Variants in ATF7 observed in about 807,000 individuals in gnomAD.
ATF7 encodes activating transcription factor 7, also known as cyclic AMP-dependent transcription factor ATF-7.
In ATF7, 10 loss-of-function variants were observed where a neutral mutation model predicts 50.4. That is an observed-to-expected ratio of 0.20 (90% CI 0.12 to 0.34). The LOEUF (loss-of-function observed/expected upper bound fraction) is 0.34. Ranked by LOEUF, ATF7 falls within the 10% of genes least tolerant of loss-of-function variation. ATF7 has a pLI of 1.00. For missense variants in ATF7, 465 were observed against 613.9 expected, an observed-to-expected ratio of 0.76 and a Z score of 2.56; for synonymous variants, 201 against 226.4, an observed-to-expected ratio of 0.89 and a Z score of 1.01.
chr12:53,557,456 C>G (rs769124231), intron 2 of ATF7, among the ~76,000 whole-genome samples: 1 of 152,208 alleles, frequency 6.6e-6, no homozygotes, highest in African/African-American at 2.4e-5. Flanking sequence ...CCAGCCTTGG[C>G]TTTTCCAAGT....
intron 9 of ATF7, among the ~76,000 whole-genome samples, chr12:53,530,834 C>CCGT (rs1938824493): frequency 2.0e-5 from 3 of 152,156 alleles, no homozygotes; most frequent in South Asian, 4.1e-4. Context: ...GTCTTGATCT[C>CCGT]CTGACCTCAG....
intron 4 of ATF7, chr12:53,542,982 A>G: frequency 1.7e-6 from 2 of 1,174,108 alleles, no homozygotes; most frequent in Non-Finnish European, 2.1e-6. Flanking sequence ...GAATTTGGCA[A>G]CAAATATGTT....
At chr12:53,574,645 A>G (rs1309276836) in intron 2 of ATF7, 1 of 158,058 alleles carries the variant, frequency 6.3e-6, no homozygotes, top group Non-Finnish European at 1.4e-5. Context: ...TATTCTCATC[A>G]AAGCAGCCAG....
At chr12:53,570,056 AT>A (rs949794014) in intron 2 of ATF7, among the ~76,000 whole-genome samples, 10 of 152,170 alleles carry the variant, frequency 6.6e-5, no homozygotes, top group African/African-American at 2.2e-4. Context: ...TCATGGACTG[AT>A]TTCTGGAAAC....
At chr12:53,587,093 A>G (rs113036913) in intron 2 of ATF7, among the ~76,000 whole-genome samples, 6,005 of 152,274 alleles carry the variant, frequency 0.039, 361 homozygotes, top group African/African-American at 0.13. Flanking sequence ...TGTGCTGGGC[A>G]CGGTGGCTCA....
At position 53,532,418 on chromosome 12, in the gene ATF7, GT is replaced by G. The variant is rs1272548912; in HGVS notation, c.774+91del. The G allele has an allele frequency of 1.1e-5, 12 of 1,044,326 alleles. No individual in the cohort carries two copies. In the Admixed American group the frequency reaches 1.9e-4, roughly 17 times the overall value. 64.7% of individuals were successfully genotyped at this position (1,044,326 alleles called of 1,614,324 possible). On this transcript the variant is annotated intron_variant, in intron 8 of 11. Coordinates refer to ENST00000420353, the MANE Select transcript of ATF7 (RefSeq NM_006856.3). Reference sequence around the variant, plus strand: ...TCCTTAGCTTTGCAAGCCCCAGAAGGTTCCTTTGCTTGGCTCACTTGAAAGA... The same window carrying G: ...TCCTTAGCTTTGCAAGCCCCAGAAGGTCCTTTGCTTGGCTCACTTGAAAGA...
intron 3 of ATF7, among the ~76,000 whole-genome samples, chr12:53,549,228 A>G (rs1230935076): frequency 2.6e-5 from 4 of 151,156 alleles, no homozygotes; most frequent in Non-Finnish European, 5.9e-5. Flanking sequence ...CGCAGCTTGC[A>G]ATGAGCGGAG....
At chr12:53,535,292 T>G (rs1225494488) in intron 5 of ATF7, among the ~76,000 whole-genome samples, 7 of 140,310 alleles carry the variant, frequency 5.0e-5, no homozygotes, top group African/African-American at 1.9e-4. Context: ...ATCGCACCAC[T>G]GCACTCCAGC....
At chr12:53,612,282 T>A (rs1943913574) in intron 1 of ATF7, among the ~76,000 whole-genome samples, 1 of 145,418 alleles carries the variant, frequency 6.9e-6, no homozygotes, top group African/African-American at 2.6e-5. Context: ...GGCAGCTGCA[T>A]TTTTCTTTTT....
intron 1 of ATF7, among the ~76,000 whole-genome samples, chr12:53,620,554 C>A (rs1300374577): frequency 4.7e-4 from 57 of 121,948 alleles, no homozygotes; most frequent in Non-Finnish European, 7.7e-4. Context: ...CCAGCCTGGG[C>A]GACAGAGCGA....
chr12:53,545,223 A>G (rs1939825928), intron 3 of ATF7, among the ~76,000 whole-genome samples: 1 of 152,154 alleles, frequency 6.6e-6, no homozygotes, highest in Non-Finnish European at 1.5e-5. Flanking sequence ...GGTGGCCTCT[A>G]ACTTTCAAAT....
rs1343115844 is a variant in ATF7, at chr12:53,600,986, T to C, written c.15A>G (p.Arg5=). The C allele has an allele frequency of 6.2e-7, 1 of 1,613,236 alleles. No homozygotes were observed. The highest frequency in any genetic ancestry group is 8.5e-7 in the Non-Finnish European group (1 of 1,179,656). Reference sequence around the variant, plus strand: ...AGCCCGGGGCATTGCACACAAACGGTCTGTCGTCTCCCATATTTCATATAG... The same window carrying C: ...AGCCCGGGGCATTGCACACAAACGGCCTGTCGTCTCCCATATTTCATATAG... MGDD[R]PFVCNAPGCG... The change falls in exon 2 of 12, where the codon AGA becomes AGG. Residue 5 remains arginine, a synonymous_variant. Transcript: ENST00000420353.
Position 53,537,487 on chromosome 12 carries a change from C to T in ATF7, c.330G>A (p.Glu110=). The T allele has an allele frequency of 6.2e-7, 1 of 1,613,694 alleles. No homozygotes were observed. Among genetic ancestry groups the T allele is most frequent in the South Asian group, 1.1e-5 (1 of 91,076 alleles). Reference sequence around the variant, plus strand: ...GTGGGGATGAGTCTACCTCCACTGGCTCTTCTTCTTTGATTTTGATGTCTG... The same window carrying T: ...GTGGGGATGAGTCTACCTCCACTGGTTCTTCTTCTTTGATTTTGATGTCTG... ...STPDIKIKEE[E]PVEVDSSPPD... Residue 110 remains glutamate (E), a synonymous_variant, in exon 5 of 12, where the codon GAG becomes GAA. Transcript: ENST00000420353.
At chr12:53,566,854 A>G (rs1941472146) in intron 2 of ATF7, among the ~76,000 whole-genome samples, 1 of 152,170 alleles carries the variant, frequency 6.6e-6, no homozygotes, top group Non-Finnish European at 1.5e-5. Flanking sequence ...CCCGGGTTCA[A>G]GCAATTCTCC....
chr12:53,535,977 C>T (rs1278922660), intron 5 of ATF7, among the ~76,000 whole-genome samples: 2 of 151,700 alleles, frequency 1.3e-5, no homozygotes, highest in Non-Finnish European at 2.9e-5. Flanking sequence ...GAGATTGCAC[C>T]ACTGCACTCC....
chr12:53,570,727 T>C (rs1941697632), intron 2 of ATF7, among the ~76,000 whole-genome samples: 1 of 130,206 alleles, frequency 7.7e-6, no homozygotes. Flanking sequence ...CATAGTGTTC[T>C]CCTGTGTGCG....
intron 2 of ATF7, among the ~76,000 whole-genome samples, chr12:53,568,815 C>A (rs1349673401): frequency 6.6e-6 from 1 of 152,056 alleles, no homozygotes; most frequent in Non-Finnish European, 1.5e-5. Flanking sequence ...AGAATGCTGG[C>A]CACAGACTAG....
Position 53,567,116 on chromosome 12 carries a change from C to T in ATF7, c.49-14479G>A, listed in dbSNP as rs142451288. Among the ~76,000 whole-genome samples the T allele has an allele frequency of 1.5e-3, 236 of 152,272 alleles. 1 individual carries two copies. The highest frequency in any genetic ancestry group is 4.8e-3 in the African/African-American group (198 of 41,546). On this transcript the variant is annotated intron_variant, in intron 2 of 11. Coordinates refer to ENST00000420353, the MANE Select transcript of ATF7 (RefSeq NM_006856.3). ...TCTGAAACCATTCCTAACCAATATA[C>T]GATTTTCAATATGTATAGATTCTAC...
intron 1 of ATF7, among the ~76,000 whole-genome samples, chr12:53,614,730 G>A (rs544634204): frequency 6.6e-6 from 1 of 152,300 alleles, no homozygotes; most frequent in South Asian, 2.1e-4. Flanking sequence ...TCCTAAACAT[G>A]TAAGTGTAAA....
Sources: gnomAD v4.1 joint callset for allele counts (sites outside exome capture counted in the v4.1 genomes callset) on GRCh38, gnomAD v4.1.1 for gene constraint, MANE v1.5 for transcripts, NCBI Gene and HGNC (gene_info 2026-07-23, HGNC 2026-07-21) for gene names.